The following MBD5 variants were observed in gnomAD, a reference collection of about 807,000 sequenced individuals.
MBD5 encodes the protein methyl-CpG binding domain protein 5, also known as methyl-CpG-binding domain protein 5.
A neutral mutation model predicts 117.3 loss-of-function variants in MBD5; 13 were observed. The ratio of observed to expected loss-of-function variants is 0.11; its 90% CI spans 0.07 to 0.18. The LOEUF (loss-of-function observed/expected upper bound fraction) is 0.18. MBD5 is among the 10% of genes least tolerant of loss of function. MBD5 has a pLI of 1.00. For missense variants in MBD5, 1,879 were observed against 2,093.8 expected (o/e 0.90, Z 2.00); for synonymous variants, 727 against 766.4 (o/e 0.95, Z 0.85).
intron 1 of MBD5, among the ~76,000 whole-genome samples, chr2:148,104,194 C>A (rs537921483): frequency 3.3e-5 from 5 of 152,172 alleles, no homozygotes; most frequent in African/African-American, 1.2e-4. Context: ...CTCCCCCTCA[C>A]TGGACCATAA....
chr2:148,452,931 G>A (rs761006100), intron 4 of MBD5, among the ~76,000 whole-genome samples: 73 of 152,234 alleles, frequency 4.8e-4, no homozygotes, highest in Admixed American at 9.2e-4. Context: ...TTTTAGACAT[G>A]TGTTGCTAAA....
chr2:148,257,539 T>C (rs187397087), intron 3 of MBD5, among the ~76,000 whole-genome samples: 16 of 152,336 alleles, frequency 1.1e-4, no homozygotes, highest in Non-Finnish European at 1.9e-4. Context: ...AGCAGGCCCT[T>C]GGACCTTAGA....
At chr2:148,479,640 A>C (rs1681082060) in intron 8 of MBD5, among the ~76,000 whole-genome samples, 1 of 151,874 alleles carries the variant, frequency 6.6e-6, no homozygotes, top group Non-Finnish European at 1.5e-5. Flanking sequence ...AAACCTCACA[A>C]TATTTTCAGT....
chr2:148,332,981 A>T (rs956850624), intron 3 of MBD5, among the ~76,000 whole-genome samples: 4 of 151,858 alleles, frequency 2.6e-5, no homozygotes. Context: ...TAGTGTCTTT[A>T]CTTGCAGGGA....
At chr2:148,326,196 A>T (rs1396883027) in intron 3 of MBD5, among the ~76,000 whole-genome samples, 1 of 152,148 alleles carries the variant, frequency 6.6e-6, no homozygotes, top group African/African-American at 2.4e-5. Context: ...CTACGGTCTG[A>T]GATATAGTTT....
chr2:148,147,185 G>A (rs1404861252), intron 1 of MBD5, among the ~76,000 whole-genome samples: 1 of 151,126 alleles, frequency 6.6e-6, no homozygotes, highest in Non-Finnish European at 1.5e-5. Flanking sequence ...TTTCCTTTTT[G>A]CATATATCAT....
At chr2:148,029,758 C>A (rs569940703) in intron 1 of MBD5, among the ~76,000 whole-genome samples, 57 of 152,036 alleles carry the variant, frequency 3.7e-4, no homozygotes, top group African/African-American at 1.4e-3. Context: ...TTTTACGAAA[C>A]CAAATTTTAG....
intron 1 of MBD5, among the ~76,000 whole-genome samples, chr2:148,114,484 G>A (rs1227479): frequency 0.084 from 12,795 of 152,044 alleles, 606 homozygotes; most frequent in South Asian, 0.14. Context: ...AAAAACCAGA[G>A]TATTCCAATT....
chr2:148,129,767 A>G (rs1041730894), intron 1 of MBD5, among the ~76,000 whole-genome samples: 1 of 152,202 alleles, frequency 6.6e-6, no homozygotes, highest in Non-Finnish European at 1.5e-5. Context: ...TTCAGACATT[A>G]CAAATATAGT....
chr2:148,389,966 G>A (rs1704516059), intron 4 of MBD5, among the ~76,000 whole-genome samples: 1 of 152,008 alleles, frequency 6.6e-6, no homozygotes, highest in African/African-American at 2.4e-5. Flanking sequence ...TGTCGCATTT[G>A]CCTTTGGTCT....
At chr2:148,194,341 CAA>C (rs1363777432) in intron 2 of MBD5, among the ~76,000 whole-genome samples, 1 of 1,442 alleles carries the variant, frequency 6.9e-4, no homozygotes, top group African/African-American at 8.1e-4. Context: ...TTCACAATAG[CAA>C]AGACTTGGAA....
At chr2:148,351,700 T>C (rs1030184765) in intron 4 of MBD5, among the ~76,000 whole-genome samples, 1 of 152,098 alleles carries the variant, frequency 6.6e-6, no homozygotes, top group Non-Finnish European at 1.5e-5. Context: ...TCCTGATGTC[T>C]GAAACCCTTT....
intron 9 of MBD5, 166 bp from the exon 10 acceptor site, chr2:148,485,576 T>C: frequency 1.6e-6 from 1 of 618,888 alleles, no homozygotes; most frequent in Non-Finnish European, 2.8e-6. Context: ...ATAATAAAGC[T>C]ACTCTTTCCT....
intron 1 of MBD5, among the ~76,000 whole-genome samples, chr2:148,121,044 A>T (rs1218380070): frequency 6.6e-6 from 1 of 152,208 alleles, no homozygotes; most frequent in Non-Finnish European, 1.5e-5. Flanking sequence ...TCCAGATCAG[A>T]TGGAGACTAA....
intron 2 of MBD5, among the ~76,000 whole-genome samples, chr2:148,191,903 C>A (rs1399300638): frequency 3.1e-5 from 3 of 95,502 alleles, no homozygotes; most frequent in African/African-American, 8.6e-5. Flanking sequence ...CAAATAGACA[C>A]AATAAAAAAT....
At chr2:148,126,773 A>G (rs766387005) in intron 1 of MBD5, among the ~76,000 whole-genome samples, 6 of 152,114 alleles carry the variant, frequency 3.9e-5, no homozygotes, top group Non-Finnish European at 1.5e-5. Flanking sequence ...AACATGTTAG[A>G]TAGTAGTCAT....
chr2:148,165,822 T>C (rs6713738), intron 1 of MBD5, among the ~76,000 whole-genome samples: 146,607 of 152,198 alleles, frequency 0.96, 70,848 homozygotes, highest in East Asian at 1. Flanking sequence ...TTTTAAGTAG[T>C]ATTTGAGACT....
chr2:148,294,501 G>GTTTTTTTTTTTTTTTTTTTTTTTTTTTT lies in MBD5; in HGVS notation c.-679-47693_-679-47692insTTTTTTTTTTTTTTTTTTTTTTTTTTTT, dbSNP rs58961481. The stretch of plus-strand genomic sequence containing the variant: ...GGCCTCCCAAAGTGCTGGGATTACA[G>GTTTTTTTTTTTTTTTTTTTTTTTTTTTT]TTTTTTTTTTTTTTTTTTTTGAGAT... On this transcript the variant is annotated intron_variant, in intron 3 of 13. Coordinates refer to ENST00000642680, the MANE Select transcript of MBD5 (RefSeq NM_001378120.1). 1.1e-4 allele frequency among the ~76,000 whole-genome samples: 13 copies of GTTTTTTTTTTTTTTTTTTTTTTTTTTTT among 113,250 alleles called. 1 individual carries two copies. Among genetic ancestry groups the GTTTTTTTTTTTTTTTTTTTTTTTTTTTT allele is most frequent in the African/African-American group, 4.0e-4 (11 of 27,288 alleles). 74.3% of individuals were successfully genotyped at this position (113,250 alleles called of 152,430 possible). A position where few individuals can be genotyped will look rare whatever the true frequency, so the allele number is the denominator to read the frequency against.
At chr2:148,423,772 C>A (rs1407734032) in intron 4 of MBD5, among the ~76,000 whole-genome samples, 1 of 152,144 alleles carries the variant, frequency 6.6e-6, no homozygotes, top group African/African-American at 2.4e-5. Context: ...GATGAAGAGT[C>A]AAGACCCATG....
Sources: allele counts gnomAD v4.1 joint callset (sites outside exome capture counted in the v4.1 genomes callset), GRCh38; gene constraint gnomAD v4.1.1; transcripts MANE v1.5; gene names NCBI Gene and HGNC (gene_info 2026-07-23, HGNC 2026-07-21).